The following FSTL5 variants were observed in gnomAD, a reference collection of about 807,000 sequenced individuals.
FSTL5 encodes the protein follistatin-related protein 5.
Under a neutral mutation model 89.1 loss-of-function variants are expected in FSTL5, and 62 were observed. The observed-to-expected ratio is 0.70, with a 90% confidence interval of 0.57 to 0.86. The LOEUF (loss-of-function observed/expected upper bound fraction) is 0.86, where lower values mean the gene tolerates loss of function less well. Among genes scored for constraint, FSTL5 ranks in the 40% least tolerant of loss-of-function variants. The pLI is 0.00. For missense variants in FSTL5, 1,057 were observed against 1,001.6 expected, an observed-to-expected ratio of 1.06 and a Z score of -0.75; for synonymous variants, 383 against 346.2, an observed-to-expected ratio of 1.11 and a Z score of -1.18.
At chr4:161,793,269 G>A (rs1011878174) in intron 4 of FSTL5, among the ~76,000 whole-genome samples, 2 of 152,144 alleles carry the variant, frequency 1.3e-5, no homozygotes, top group African/African-American at 2.4e-5. Context: ...GGCAGGTATG[G>A]GATGCAAGCT....
chr4:161,685,971 G>A (rs866595233), intron 6 of FSTL5, among the ~76,000 whole-genome samples: 5 of 151,958 alleles, frequency 3.3e-5, no homozygotes, highest in African/African-American at 7.3e-5. Flanking sequence ...ATAAAGAAAC[G>A]CTGGATTTTG....
chr4:161,585,153 T>C (rs988027052), intron 8 of FSTL5, among the ~76,000 whole-genome samples: 3 of 152,118 alleles, frequency 2.0e-5, no homozygotes, highest in Admixed American at 6.6e-5. Flanking sequence ...CCAGCGCTGC[T>C]CAATGCAACC....
At chr4:161,981,997 C>CA (rs926270695) in intron 3 of FSTL5, among the ~76,000 whole-genome samples, 3 of 152,068 alleles carry the variant, frequency 2.0e-5, no homozygotes, top group East Asian at 1.9e-4. Flanking sequence ...ATAAAATTCT[C>CA]AAAAAATCTA....
intron 2 of FSTL5, among the ~76,000 whole-genome samples, chr4:162,058,552 C>A (rs372197430): frequency 2.0e-5 from 3 of 150,168 alleles, no homozygotes; most frequent in Non-Finnish European, 4.4e-5. Context: ...TCAGCCCTCC[C>A]GAGTAGCTGG....
At chr4:161,389,119 A>C (rs1730739261) in intron 15 of FSTL5, among the ~76,000 whole-genome samples, 1 of 152,038 alleles carries the variant, frequency 6.6e-6, no homozygotes, top group South Asian at 2.1e-4. Context: ...AATTTCCCCT[A>C]GTACAGATTG....
chr4:161,427,412 T>C (rs1042246011), intron 15 of FSTL5, among the ~76,000 whole-genome samples: 5 of 152,218 alleles, frequency 3.3e-5, no homozygotes, highest in Admixed American at 3.3e-4. Context: ...CTAGTGCTGA[T>C]ACTAAAGCAG....
chr4:161,570,071 A>G (rs989640033), intron 8 of FSTL5, among the ~76,000 whole-genome samples: 5 of 152,154 alleles, frequency 3.3e-5, no homozygotes, highest in African/African-American at 1.2e-4. Context: ...TTGTAACAAT[A>G]CAGTGGAATG....
intron 11 of FSTL5, among the ~76,000 whole-genome samples, chr4:161,502,555 C>A (rs879530188): frequency 6.6e-6 from 1 of 151,698 alleles, no homozygotes; most frequent in African/African-American, 2.4e-5. Context: ...ATTAAAATAG[C>A]GATTATAAAA....
At chr4:161,862,625 G>A (rs755890170) in intron 4 of FSTL5, among the ~76,000 whole-genome samples, 2 of 152,052 alleles carry the variant, frequency 1.3e-5, no homozygotes, top group Non-Finnish European at 2.9e-5. Flanking sequence ...CCAGCTACTC[G>A]TGAGGCTGAG....
intron 7 of FSTL5, among the ~76,000 whole-genome samples, chr4:161,591,124 G>A (rs577479243): frequency 3.9e-5 from 6 of 152,300 alleles, no homozygotes; most frequent in African/African-American, 1.2e-4. Flanking sequence ...GATATATACT[G>A]CAACATGAAT....
chr4:161,650,104 C>T (rs896428486), intron 7 of FSTL5, among the ~76,000 whole-genome samples: 1 of 152,170 alleles, frequency 6.6e-6, no homozygotes, highest in African/African-American at 2.4e-5. Flanking sequence ...CTATTCTACT[C>T]TGTGCTGGAA....
intron 4 of FSTL5, among the ~76,000 whole-genome samples, chr4:161,895,663 T>C (rs1034966211): frequency 2.0e-5 from 3 of 152,154 alleles, no homozygotes; most frequent in African/African-American, 7.2e-5. Flanking sequence ...ATAATGTCAA[T>C]GATTATAATT....
chr4:161,914,824 C>T (rs928074127), intron 4 of FSTL5, among the ~76,000 whole-genome samples: 1 of 152,098 alleles, frequency 6.6e-6, no homozygotes, highest in South Asian at 2.1e-4. Context: ...TACTAAAGTT[C>T]TAGTCTTAAA....
At chr4:161,545,923 C>T (rs1422417024) in intron 8 of FSTL5, among the ~76,000 whole-genome samples, 2 of 151,834 alleles carry the variant, frequency 1.3e-5, no homozygotes, top group African/African-American at 2.4e-5. Context: ...ATAAAAACAA[C>T]AGTCAAGTTT....
intron 3 of FSTL5, among the ~76,000 whole-genome samples, chr4:162,010,775 C>A (rs1736743253): frequency 6.6e-6 from 1 of 152,158 alleles, no homozygotes; most frequent in South Asian, 2.1e-4. Context: ...GTGTCAGTAC[C>A]TCATTTTTTA....
intron 3 of FSTL5, among the ~76,000 whole-genome samples, chr4:161,997,826 G>C (rs931483077): frequency 6.6e-6 from 1 of 151,802 alleles, no homozygotes; most frequent in African/African-American, 2.4e-5. Flanking sequence ...GGATGGTCTC[G>C]ATCTCCTGAC....
At chr4:161,878,335 C>T (rs1459933626) in intron 4 of FSTL5, among the ~76,000 whole-genome samples, 1 of 152,010 alleles carries the variant, frequency 6.6e-6, no homozygotes, top group Non-Finnish European at 1.5e-5. Context: ...AATGAATATG[C>T]ATATGTATTA....
chr4:162,032,094 CAT>C (rs1387900888), intron 3 of FSTL5, among the ~76,000 whole-genome samples: 1 of 152,084 alleles, frequency 6.6e-6, no homozygotes, highest in Non-Finnish European at 1.5e-5. Context: ...GTTGGAAAAA[CAT>C]AATTTCTACT....
intron 4 of FSTL5, among the ~76,000 whole-genome samples, chr4:161,914,946 T>C (rs141859862): frequency 7.2e-4 from 110 of 152,294 alleles, no homozygotes; most frequent in African/African-American, 2.4e-3. Context: ...TGATGTCAAG[T>C]ATTCATATAG....
Sources: allele counts gnomAD v4.1 joint callset (sites outside exome capture counted in the v4.1 genomes callset), GRCh38; gene constraint gnomAD v4.1.1; transcripts MANE v1.5; gene names NCBI Gene and HGNC (gene_info 2026-07-23, HGNC 2026-07-21).